The following PIWIL3 variants were observed in gnomAD, a reference collection of about 807,000 sequenced individuals.
The protein encoded by PIWIL3 is piwi-like protein 3.
A neutral mutation model predicts 109.7 loss-of-function variants in PIWIL3; 101 were observed. The ratio of observed to expected loss-of-function variants is 0.92; its 90% confidence interval spans 0.78 to 1.09. The LOEUF (loss-of-function observed/expected upper bound fraction) is 1.09. Ranked by LOEUF, PIWIL3 falls within the 50% of genes least tolerant of loss-of-function variation. PIWIL3 has a pLI of 0.00. For synonymous variants in PIWIL3, 373 were observed against 376.4 expected (o/e 0.99, Z 0.10); for missense variants, 1,031 against 1,072.6 (o/e 0.96, Z 0.54).
intron 19 of PIWIL3, 59 bp from the exon 20 acceptor site, chr22:24,719,954 T>A: frequency 7.3e-7 from 1 of 1,370,374 alleles, no homozygotes; most frequent in Non-Finnish European, 1.0e-6. Flanking sequence ...TATAGTAAAC[T>A]TAATGTCTGA....
chr22:24,730,420 G>A (rs547815051), intron 14 of PIWIL3, among the ~76,000 whole-genome samples: 142 of 142,592 alleles, frequency 1.0e-3, no homozygotes, highest in Non-Finnish European at 4.0e-4. Context: ...ATTGGGTAAC[G>A]TGTTTAAGTA....
chr22:24,738,937 A>T (rs1923823432), intron 12 of PIWIL3, among the ~76,000 whole-genome samples: 1 of 152,158 alleles, frequency 6.6e-6, no homozygotes, highest in Non-Finnish European at 1.5e-5. Flanking sequence ...ACAACTCAAA[A>T]TAGCTATTTA....
intron 16 of PIWIL3, among the ~76,000 whole-genome samples, chr22:24,726,235 C>T (rs929160715): frequency 6.6e-6 from 1 of 151,816 alleles, no homozygotes; most frequent in Admixed American, 6.6e-5. Context: ...GTAATATTTA[C>T]TTAGCTATGT....
Position 24,754,165 on chromosome 22 carries a change from T to A in PIWIL3, c.826A>T (p.Asn276Tyr), listed in dbSNP as rs751575093. Residue 276 changes from asparagine to tyrosine, a missense_variant, in exon 8 of 21, where the codon AAC becomes TAC. Asn to Tyr is a moderately radical substitution (Grantham distance 143). Coordinates refer to ENST00000616349, the MANE Select transcript of PIWIL3 (RefSeq NM_001255975.1). ...GYVTSVLQYENSITLCADVSH... is the reference protein window; with the variant it reads ...GYVTSVLQYEYSITLCADVSH... ...ACATCGGCACAGAGGGTAATGCTGT[T>A]TTCGTATTGAAGAACAGAAGTAACA... 1.9e-6 allele frequency: 3 copies of A among 1,614,132 alleles called. No homozygotes were observed. The highest frequency in any genetic ancestry group is 2.5e-6 in the Non-Finnish European group (3 of 1,179,986).
chr22:24,753,516 A>C (rs978371274), intron 8 of PIWIL3, among the ~76,000 whole-genome samples: 1 of 152,158 alleles, frequency 6.6e-6, no homozygotes, highest in Non-Finnish European at 1.5e-5. Flanking sequence ...CACTGTCTTG[A>C]TTACCAGAAC....
chr22:24,744,906 A>G (rs1924264891), intron 12 of PIWIL3, among the ~76,000 whole-genome samples: 1 of 152,212 alleles, frequency 6.6e-6, no homozygotes, highest in South Asian at 2.1e-4. Context: ...GTTACAGAAG[A>G]TTTCAGCCAA....
chr22:24,749,708 G>T lies in PIWIL3; in HGVS notation c.1201C>A (p.Leu401Met). 1.2e-6 allele frequency: 2 copies of T among 1,613,860 alleles called. No individual in the cohort carries two copies. The highest frequency in any genetic ancestry group is 2.2e-5 in the South Asian group (2 of 91,064). The change falls in exon 10 of 21, where the codon CTG becomes ATG. Residue 401 changes from leucine (L) to methionine (M), a missense_variant. By Grantham distance (15) the Leu-to-Met change is conservative. Coordinates refer to ENST00000616349, the MANE Select transcript of PIWIL3 (RefSeq NM_001255975.1). ...CCATCAGTACCTGTCATGTGGCACAGCTGAGGAATCAGCAGGATAGGTTCA... is the reference window on the plus strand; with the variant it reads ...CCATCAGTACCTGTCATGTGGCACATCTGAGGAATCAGCAGGATAGGTTCA... ...QREPILLIPQ[L>M]CHMTGLTDEI...
chr22:24,741,071 G>C (rs996219359), intron 12 of PIWIL3, among the ~76,000 whole-genome samples: 1 of 152,168 alleles, frequency 6.6e-6, no homozygotes, highest in African/African-American at 2.4e-5. Context: ...ATGATCAAGT[G>C]GGCTTTGTAC....
chr22:24,753,295 T>C (rs142081903), intron 8 of PIWIL3, among the ~76,000 whole-genome samples: 149 of 152,358 alleles, frequency 9.8e-4, no homozygotes, highest in African/African-American at 3.5e-3. Context: ...CTAGGTCTAT[T>C]GAGTTGGTTT....
At chr22:24,732,367 T>G (rs1443894161) in intron 14 of PIWIL3, among the ~76,000 whole-genome samples, 1 of 152,150 alleles carries the variant, frequency 6.6e-6, no homozygotes, top group East Asian at 1.9e-4. Flanking sequence ...TGGACACGCT[T>G]CCCCCATGCC....
chr22:24,734,682 T>A (rs1923552606), intron 13 of PIWIL3, among the ~76,000 whole-genome samples: 1 of 152,082 alleles, frequency 6.6e-6, no homozygotes, highest in Admixed American at 6.6e-5. Context: ...TTGACCAGGT[T>A]CTCACAGTAA....
At chr22:24,762,260 C>T in intron 2 of PIWIL3, 138 bp downstream of exon 2, 1 of 1,366,226 alleles carries the variant, frequency 7.3e-7, no homozygotes, top group East Asian at 2.8e-5. Context: ...ATCTATACAG[C>T]CTGACTTTTC....
chr22:24,740,143 A>G (rs921349416), intron 12 of PIWIL3, among the ~76,000 whole-genome samples: 1 of 142,852 alleles, frequency 7.0e-6, no homozygotes, highest in Admixed American at 7.3e-5. Flanking sequence ...GCTTGAACCC[A>G]GGAGGTGGAG....
At chr22:24,734,308 T>C (rs1923525847) in intron 13 of PIWIL3, 152 bp from the exon 14 acceptor site, 16 of 1,293,868 alleles carry the variant, frequency 1.2e-5, no homozygotes, top group Non-Finnish European at 1.6e-5. Flanking sequence ...GACAGTAGAC[T>C]TTCAGTTTCC....
intron 12 of PIWIL3, among the ~76,000 whole-genome samples, chr22:24,741,211 G>A (rs566697544): frequency 7.9e-5 from 12 of 152,250 alleles, no homozygotes; most frequent in African/African-American, 2.6e-4. Context: ...ATCCAGCATC[G>A]CTTTATGATT....
intron 12 of PIWIL3, among the ~76,000 whole-genome samples, chr22:24,738,865 GA>G (rs766106590): frequency 8.6e-5 from 13 of 152,038 alleles, no homozygotes; most frequent in Non-Finnish European, 1.9e-4. Flanking sequence ...ACGGACCTCA[GA>G]AAATGAACCA....
rs780289171 is a variant in PIWIL3 at position 24,756,538 on chromosome 22, T to C, written c.523A>G (p.Ile175Val). 8.8e-5 allele frequency: 142 copies of C among 1,614,056 alleles called. No homozygotes were observed. In the East Asian group the frequency reaches 3.1e-3, roughly 35 times the overall value. Residue 175 changes from isoleucine (I) to valine (V), a missense_variant, in exon 5 of 21, where the codon ATA (isoleucine) becomes GTA (valine). Ile to Val is a conservative substitution (Grantham distance 29, BLOSUM62 3). Transcript: ENST00000616349. ...AATAATAAAGAGTTTCCATCAAATA[T>C]ATGGCGCTCTCCAAATTTCCTTCTA... is the stretch of plus-strand genomic sequence containing the variant. The part of the protein sequence containing the change: ...QHRRKFGERH[I>V]FDGNSLLLSR...
At chr22:24,748,028 A>C (rs901129908) in intron 12 of PIWIL3, among the ~76,000 whole-genome samples, 1 of 152,192 alleles carries the variant, frequency 6.6e-6, no homozygotes, top group South Asian at 2.1e-4. Context: ...TTTGGAAGCA[A>C]TGTAAATGTC....
Position 24,751,456 on chromosome 22 carries a change from C to T in PIWIL3, c.1020G>A (p.Lys340=), listed in dbSNP as rs77805371. ...KTYRVDDIDW[K]QNPEDTFNKS... ...TGTTAAATGTGTCTTCAGGATTCTG[C>T]TTCCAATCAATATCATCTACTCTGT... Residue 340 remains lysine (K), a synonymous_variant, in exon 9 of 21, where the codon AAG becomes AAA. Coordinates refer to ENST00000616349, the MANE Select transcript of PIWIL3 (RefSeq NM_001255975.1). The T allele has an allele frequency of 3.0e-3, 4,832 of 1,613,936 alleles. 255 individuals carry two copies. The East Asian group carries it at 0.093, about 31-fold the overall frequency.
Sources: gnomAD v4.1 joint callset for allele counts (sites outside exome capture counted in the v4.1 genomes callset) on GRCh38, gnomAD v4.1.1 for gene constraint, MANE v1.5 for transcripts, NCBI Gene and HGNC (gene_info 2026-07-23, HGNC 2026-07-21) for gene names.